Variants in PLAGL1 observed in about 807,000 individuals in gnomAD.
PLAGL1 encodes the protein PLAG1 like zinc finger 1.
In PLAGL1, 1 loss-of-function variant was observed where a neutral mutation model predicts 4.6. The ratio of observed to expected loss-of-function variants is 0.22; its 90% CI spans 0.08 to 1.03. The LOEUF (loss-of-function observed/expected upper bound fraction) is 1.03. Ranked by LOEUF, PLAGL1 falls within the 50% of genes least tolerant of loss-of-function variation. The pLI is 0.58. For synonymous variants in PLAGL1, 240 were observed against 237.8 expected (o/e 1.01, Z -0.08); for missense variants, 464 against 570.4 (o/e 0.81, Z 1.90).
At position 143,979,225 on chromosome 6, in the gene PLAGL1, G is replaced by C. The variant is rs1266363490; in HGVS notation, c.-544+5910C>G. ...ATATAGTTAGTTCTCAAAGCGTTTT[G>C]TATGTATTAAATCTGACTGTGAACA... is the stretch of plus-strand genomic sequence containing the variant. On this transcript the variant is annotated intron_variant, in intron 2 of 7. Coordinates refer to ENST00000674357, the MANE Select transcript of PLAGL1 (RefSeq NM_001317162.2). This position sits in a 1 kb window ranked among gnomAD's most constrained non-coding sequence, Gnocchi z 4.6. Among the ~76,000 whole-genome samples, 1 of 152,056 alleles carries C rather than the reference G, an allele frequency of 6.6e-6. No homozygotes were observed. Among genetic ancestry groups the C allele is most frequent in the Non-Finnish European group, 1.5e-5 (1 of 67,964 alleles).
At chr6:144,033,720 A>G (rs1198006679) in intron 1 of PLAGL1, among the ~76,000 whole-genome samples, 2 of 152,252 alleles carry the variant, frequency 1.3e-5, no homozygotes, top group African/African-American at 4.8e-5. Flanking sequence ...ACTTAACTAC[A>G]TGCCAGAACA....
chr6:144,007,598 A>G (rs1405627146), intron 1 of PLAGL1: 1 of 152,220 alleles, frequency 6.6e-6, no homozygotes, highest in Non-Finnish European at 1.5e-5. Context: ...GATCTAGGAA[A>G]TTTTTAGGAC....
Position 144,022,763 on chromosome 6 carries a change from G to A in PLAGL1, c.-151+41705C>T, listed in dbSNP as rs1490563813. On this transcript the variant is annotated intron_variant, in intron 1 of 3. Coordinates refer to the PLAGL1 transcript ENST00000437412. This position sits in a 1 kb window ranked among gnomAD's most constrained non-coding sequence, Gnocchi z 4.2. ...ATTGTGAGGCCTCCCCAGCCATGTG[G>A]AACTGTGAGTCAATTAAACCTCTTT... Among the ~76,000 whole-genome samples the A allele has an allele frequency of 6.6e-6, 1 of 152,180 alleles. No homozygotes were observed. The highest frequency in any genetic ancestry group is 1.5e-5 in the Non-Finnish European group (1 of 68,044).
At position 143,964,004 on chromosome 6, in the gene PLAGL1, T is replaced by C. The variant is rs1335894944; in HGVS notation, c.-399+783A>G. 6.6e-6 allele frequency among the ~76,000 whole-genome samples: 1 copy of C among 152,220 alleles called. No individual in the cohort carries two copies. Among genetic ancestry groups the C allele is most frequent in the African/African-American group, 2.4e-5 (1 of 41,448 alleles). On this transcript the variant is annotated intron_variant, in intron 5 of 7. Coordinates refer to ENST00000674357, the MANE Select transcript of PLAGL1 (RefSeq NM_001317162.2). The surrounding 1 kb of genome is among the most constrained non-coding windows in gnomAD (Gnocchi z 4.3). ...ATATCTAAACCCAGAGAAGAAATTC[T>C]GCTGGACTTCTGGGAGGCGAGAAGG...
chr6:144,042,413 C>T (rs1797814184), intron 1 of PLAGL1, among the ~76,000 whole-genome samples: 1 of 152,160 alleles, frequency 6.6e-6, no homozygotes, highest in Admixed American at 6.5e-5. Flanking sequence ...TTTCCCAGCA[C>T]CATTTATTAA....
chr6:144,041,669 A>C (rs1459782574), intron 1 of PLAGL1, among the ~76,000 whole-genome samples: 1 of 152,218 alleles, frequency 6.6e-6, no homozygotes, highest in African/African-American at 2.4e-5. Flanking sequence ...TCTTCATAGT[A>C]GCATGATTTA....
chr6:143,947,771 T>TA lies in PLAGL1; in HGVS notation c.152+213dup, dbSNP rs748614388. Among the ~76,000 whole-genome samples, 5 of 152,092 alleles carry TA rather than the reference T, an allele frequency of 3.3e-5. No homozygotes were observed. The highest frequency in any genetic ancestry group is 1.2e-4 in the African/African-American group (5 of 41,400). Reference sequence around the variant, plus strand: ...AGAGGCCTGGTATATTGTAGGTGCATAAAAAATCTCTGTTGAAAGAATGAA... The same window carrying TA: ...AGAGGCCTGGTATATTGTAGGTGCATAAAAAAATCTCTGTTGAAAGAATGAA... On this transcript the variant is annotated intron_variant, in intron 7 of 7. Transcript: ENST00000674357. The surrounding 1 kb of genome is among the most constrained non-coding windows in gnomAD (Gnocchi z 4.3).
At position 143,995,386 on chromosome 6, in the gene PLAGL1, GT is replaced by G. The variant is rs564309345; in HGVS notation, c.-583-10213del. 6.6e-6 allele frequency among the ~76,000 whole-genome samples: 1 copy of G among 151,940 alleles called. No homozygotes were observed. The highest frequency in any genetic ancestry group is 1.5e-5 in the Non-Finnish European group (1 of 67,974). On this transcript the variant is annotated intron_variant, in intron 1 of 7. Coordinates refer to ENST00000674357, the MANE Select transcript of PLAGL1 (RefSeq NM_001317162.2). The surrounding 1 kb of genome is among the most constrained non-coding windows in gnomAD (Gnocchi z 4.4). The stretch of plus-strand genomic sequence containing the variant: ...GTTTTGTTGTTATGGTTTTTTGGGG[GT>G]TTTTTTGCTTTGCTTTGGAAAGGGG...
In PLAGL1 at chr6:143,984,750, T is replaced by C. The variant is rs1233257509; in HGVS notation, c.-544+385A>G. ...TTTAGTATATTTCAATTCTCCTCCG[T>C]AAAAATGACACTTCATAGACTATTT... On this transcript the variant is annotated intron_variant, in intron 2 of 7. Coordinates refer to ENST00000674357, the MANE Select transcript of PLAGL1 (RefSeq NM_001317162.2). This position sits in a 1 kb window ranked among gnomAD's most constrained non-coding sequence, Gnocchi z 5.5. Among the ~76,000 whole-genome samples the C allele has an allele frequency of 6.6e-6, 1 of 152,154 alleles. No individual in the cohort carries two copies. Among genetic ancestry groups the C allele is most frequent in the Non-Finnish European group, 1.5e-5 (1 of 68,012 alleles).
chr6:143,969,804 C>CT (rs1423150010), intron 2 of PLAGL1, among the ~76,000 whole-genome samples: 1 of 148,502 alleles, frequency 6.7e-6, no homozygotes, highest in Non-Finnish European at 1.5e-5. Flanking sequence ...TTTGGCTTAA[C>CT]TTCAATTTTT....
Position 144,056,388 on chromosome 6 carries a change from CTA to C in PLAGL1, c.-151+8078_-151+8079del, listed in dbSNP as rs1257215451. 2.6e-5 allele frequency among the ~76,000 whole-genome samples: 4 copies of C among 152,200 alleles called. No individual in the cohort carries two copies. Among genetic ancestry groups the C allele is most frequent in the Non-Finnish European group, 4.4e-5 (3 of 68,038 alleles). ...CGGGCTCACCTTGACGTTATACATT[CTA>C]TGTGTTTGGACAAATTTATAACAGC... On this transcript the variant is annotated intron_variant, in intron 1 of 3. Transcript: ENST00000437412. The surrounding 1 kb of genome is among the most constrained non-coding windows in gnomAD (Gnocchi z 4.7).
rs894039812 is a variant in PLAGL1 at position 144,022,242 on chromosome 6, C to T, written c.-151+42226G>A. Among the ~76,000 whole-genome samples the T allele has an allele frequency of 6.6e-6, 1 of 152,150 alleles. No individual in the cohort carries two copies. Among genetic ancestry groups the T allele is most frequent in the African/African-American group, 2.4e-5 (1 of 41,424 alleles). On this transcript the variant is annotated intron_variant, in intron 1 of 3. Coordinates refer to the PLAGL1 transcript ENST00000437412. This position sits in a 1 kb window ranked among gnomAD's most constrained non-coding sequence, Gnocchi z 4.2. Reference sequence around the variant, plus strand: ...AAAGATGGGCAAAGATCTGAACAGACAGCTCACCAGAGGAGATATGTAGAT... The same window carrying T: ...AAAGATGGGCAAAGATCTGAACAGATAGCTCACCAGAGGAGATATGTAGAT...
rs771324643 is a variant in PLAGL1, at chr6:143,985,373, C to T, written c.-583-199G>A. Among the ~76,000 whole-genome samples the T allele has an allele frequency of 6.6e-5, 10 of 152,104 alleles. No homozygotes were observed. Among genetic ancestry groups the T allele is most frequent in the Non-Finnish European group, 1.0e-4 (7 of 68,018 alleles). ...ATATTAATACCATCTACTAGTCTATCGCGATTTCCCATTTAATTGTATTAG... is the reference window on the plus strand; with the variant it reads ...ATATTAATACCATCTACTAGTCTATTGCGATTTCCCATTTAATTGTATTAG... On this transcript the variant is annotated intron_variant, in intron 1 of 7. Coordinates refer to ENST00000674357, the MANE Select transcript of PLAGL1 (RefSeq NM_001317162.2). This position sits in a 1 kb window ranked among gnomAD's most constrained non-coding sequence, Gnocchi z 4.4.
chr6:144,033,388 T>C (rs1362739078), intron 1 of PLAGL1, among the ~76,000 whole-genome samples: 1 of 152,230 alleles, frequency 6.6e-6, no homozygotes, highest in East Asian at 1.9e-4. Context: ...GGAAGTGGTG[T>C]GCTGTTGTAA....
intron 1 of PLAGL1, among the ~76,000 whole-genome samples, chr6:144,045,360 C>A (rs1433615421): frequency 1.3e-5 from 2 of 152,140 alleles, no homozygotes; most frequent in Non-Finnish European, 2.9e-5. Flanking sequence ...CCTTCAGGAG[C>A]TCTTGTAAGG....
At position 144,059,276 on chromosome 6, in the gene PLAGL1, T is replaced by C. The variant is rs1262603260; in HGVS notation, c.-151+5192A>G. ...CAAGACTGGAACTGGAGCAGTGGAA[T>C]GTGAGGAGCAGCTTCCCAGGGTGGT... On this transcript the variant is annotated intron_variant, in intron 1 of 3. Transcript: ENST00000437412. This position sits in a 1 kb window ranked among gnomAD's most constrained non-coding sequence, Gnocchi z 4.9. 2.6e-5 allele frequency among the ~76,000 whole-genome samples: 4 copies of C among 152,238 alleles called. No homozygotes were observed. The highest frequency in any genetic ancestry group is 9.6e-5 in the African/African-American group (4 of 41,460).
chr6:144,047,465 A>G (rs367968205), intron 1 of PLAGL1, among the ~76,000 whole-genome samples: 5 of 152,232 alleles, frequency 3.3e-5, no homozygotes, highest in African/African-American at 1.2e-4. Flanking sequence ...TTTAAAGTAA[A>G]GATGTTTAAC....
chr6:143,969,007 A>G (rs981359323), intron 2 of PLAGL1, 29 bp from the exon 3 acceptor site: 7 of 131,350 alleles, frequency 5.3e-5, no homozygotes, highest in African/African-American at 2.7e-4. Flanking sequence ...CAAAAGTTTA[A>G]AAAAAAAAAA....
chr6:143,948,432 T>A lies in PLAGL1; in HGVS notation c.-296A>T. 3.1e-6 allele frequency: 1 copy of A among 319,026 alleles called. No homozygotes were observed. The allele number at this position is 319,026 out of a possible 1,614,324, so 19.8% of individuals were successfully genotyped here. A position where few individuals can be genotyped will look rare whatever the true frequency, so the allele number is the denominator to read the frequency against. ...GAAAGGTAATCTGCATCACTATAGC[T>A]GGGGCATGTCCTGGGTCCCCCGGAT... On this transcript the variant is annotated 5_prime_UTR_variant, in exon 7 of 8. Coordinates refer to ENST00000674357, the MANE Select transcript of PLAGL1 (RefSeq NM_001317162.2). This position sits in a 1 kb window ranked among gnomAD's most constrained non-coding sequence, Gnocchi z 6.0.
Sources: allele counts gnomAD v4.1 joint callset (sites outside exome capture counted in the v4.1 genomes callset), GRCh38; gene constraint gnomAD v4.1.1; non-coding constraint Gnocchi (gnomAD v3.1); transcripts MANE v1.5; gene names NCBI Gene and HGNC (gene_info 2026-07-23, HGNC 2026-07-21).